NTM: variants seen among roughly 807,000 people sequenced by gnomAD.
The protein encoded by NTM is IgLON family member 2.
In NTM, 13 loss-of-function variants were observed where a neutral mutation model predicts 42.1. The observed-to-expected ratio is 0.31, with a 90% CI of 0.20 to 0.49. NTM has a LOEUF of 0.49. Ranked by LOEUF, NTM falls within the 20% of genes least tolerant of loss-of-function variation. NTM has a pLI of 0.99. For missense variants in NTM, 373 were observed against 452.8 expected, an observed-to-expected ratio of 0.82 and a Z score of 1.60; for synonymous variants, 187 against 179.2, an observed-to-expected ratio of 1.04 and a Z score of -0.35.
intron 2 of NTM, among the ~76,000 whole-genome samples, chr11:132,024,358 C>T (rs796867510): frequency 1.2e-4 from 18 of 152,224 alleles, no homozygotes; most frequent in African/African-American, 4.3e-4. Flanking sequence ...GGATTTCCCT[C>T]CAATATTAAA....
chr11:131,731,670 C>A (rs1465529124), intron 1 of NTM, among the ~76,000 whole-genome samples: 2 of 152,278 alleles, frequency 1.3e-5, no homozygotes, highest in South Asian at 2.1e-4. Context: ...GCAGTCAGAG[C>A]AAAACTGGCC....
intron 1 of NTM, among the ~76,000 whole-genome samples, chr11:131,515,367 C>T (rs907242240): frequency 1.3e-5 from 2 of 152,200 alleles, no homozygotes; most frequent in African/African-American, 4.8e-5. Flanking sequence ...AGAGAATGTT[C>T]TCGGAGCCCA....
chr11:131,571,012 T>G (rs1049420893), intron 1 of NTM, among the ~76,000 whole-genome samples: 9 of 152,282 alleles, frequency 5.9e-5, no homozygotes, highest in Non-Finnish European at 1.0e-4. Context: ...GAGTGGTAGT[T>G]AAGAGCAATG....
At chr11:131,993,177 A>G (rs2067332077) in intron 2 of NTM, among the ~76,000 whole-genome samples, 1 of 152,160 alleles carries the variant, frequency 6.6e-6, no homozygotes, top group Admixed American at 6.5e-5. Flanking sequence ...GTCATAGTAC[A>G]CCCACTGGCA....
chr11:131,379,689 G>C (rs1225532443), intron 1 of NTM, among the ~76,000 whole-genome samples: 1 of 152,168 alleles, frequency 6.6e-6, no homozygotes, highest in African/African-American at 2.4e-5. Context: ...CTACCCACAG[G>C]ACTGGTCTAG....
chr11:132,263,208 A>G (rs1050640409), intron 4 of NTM, among the ~76,000 whole-genome samples: 2 of 152,324 alleles, frequency 1.3e-5, no homozygotes, highest in African/African-American at 4.8e-5. Context: ...TCCAACCCCA[A>G]GGCTGTTCAA....
rs78737462 is a variant in NTM, at chr11:131,958,298, C to T, written c.167+46650C>T. Among the ~76,000 whole-genome samples the T allele has an allele frequency of 9.5e-3, 1,442 of 152,146 alleles. 15 individuals are homozygous for T. The highest frequency in any genetic ancestry group is 0.027 in the Middle Eastern group (8 of 294). ...GTGATGGGGCAGGGGTAGGGTATTT[C>T]CTCCCTCTCAGTGCTTTGGTAGACT... On this transcript the variant is annotated intron_variant, in intron 2 of 8. Transcript: ENST00000683400.
intron 1 of NTM, among the ~76,000 whole-genome samples, chr11:131,488,358 G>A (rs1454167881): frequency 6.6e-6 from 1 of 152,140 alleles, no homozygotes; most frequent in Admixed American, 6.5e-5. Context: ...AGGCTTTTCA[G>A]TTCTCTGGCA....
Position 132,236,373 on chromosome 11 carries a change from G to A in NTM, c.526+24226G>A, listed in dbSNP as rs1487792354. ...TATAGAAACTAATTTTACTTAGAAG[G>A]AAAACAGCACTGGGGAAAGATAATA... On this transcript the variant is annotated intron_variant, in intron 4 of 8. Coordinates refer to ENST00000683400, the MANE Select transcript of NTM (RefSeq NM_001352005.2). Among the ~76,000 whole-genome samples, 5 of 152,224 alleles carry A rather than the reference G, an allele frequency of 3.3e-5. No homozygotes were observed. The East Asian group carries it at 9.7e-4, about 29-fold the overall frequency.
intron 1 of NTM, among the ~76,000 whole-genome samples, chr11:131,725,223 A>G (rs957181048): frequency 1.3e-5 from 2 of 152,210 alleles, no homozygotes; most frequent in African/African-American, 4.8e-5. Flanking sequence ...ACAAATATTT[A>G]TTGGATACTC....
At chr11:131,861,605 C>A (rs571804920) in intron 1 of NTM, among the ~76,000 whole-genome samples, 2 of 152,324 alleles carry the variant, frequency 1.3e-5, no homozygotes, top group African/African-American at 4.8e-5. Context: ...CCTGATGTTG[C>A]TGTAAAGGTC....
At chr11:131,948,909 A>C (rs502998) in intron 2 of NTM, among the ~76,000 whole-genome samples, 25,419 of 152,126 alleles carry the variant, frequency 0.17, 2,284 homozygotes, top group East Asian at 0.26. Context: ...AATTCTAGGA[A>C]CATTGTTGTG....
intron 1 of NTM, among the ~76,000 whole-genome samples, chr11:131,476,630 C>T (rs1446218983): frequency 6.6e-6 from 1 of 151,926 alleles, no homozygotes; most frequent in Non-Finnish European, 1.5e-5. Flanking sequence ...GACAGCTGCC[C>T]CTATAAAGGA....
chr11:131,615,778 A>T (rs7929222), intron 1 of NTM, among the ~76,000 whole-genome samples: 59,884 of 151,964 alleles, frequency 0.39, 14,317 homozygotes, highest in African/African-American at 0.68. Flanking sequence ...TACCATGATT[A>T]TTTTGTGAAC....
At chr11:131,966,852 G>T (rs2062899063) in intron 2 of NTM, among the ~76,000 whole-genome samples, 1 of 152,200 alleles carries the variant, frequency 6.6e-6, no homozygotes. Flanking sequence ...GGTGGCAAGT[G>T]GTCAGATAGG....
intron 1 of NTM, among the ~76,000 whole-genome samples, chr11:131,401,415 T>C (rs1005417230): frequency 2.6e-5 from 4 of 152,142 alleles, no homozygotes; most frequent in Admixed American, 6.5e-5. Context: ...CTACTGGATA[T>C]ATGATCTGAG....
At chr11:131,729,792 A>G (rs2079407835) in intron 1 of NTM, among the ~76,000 whole-genome samples, 2 of 152,162 alleles carry the variant, frequency 1.3e-5, no homozygotes, top group Admixed American at 1.3e-4. Context: ...TTGTGTGGAT[A>G]TGCCATATTT....
chr11:131,424,472 G>A (rs1351438126), intron 1 of NTM, among the ~76,000 whole-genome samples: 1 of 151,912 alleles, frequency 6.6e-6, no homozygotes, highest in Non-Finnish European at 1.5e-5. Context: ...CCTTCCTCAA[G>A]TTATTTCAGA....
At chr11:131,628,457 CACAG>C (rs1487613869) in intron 1 of NTM, among the ~76,000 whole-genome samples, 1 of 152,170 alleles carries the variant, frequency 6.6e-6, no homozygotes, top group African/African-American at 2.4e-5. Flanking sequence ...TGCCCAAGCG[CACAG>C]ACATTTTACA....
Sources: allele counts gnomAD v4.1 joint callset (sites outside exome capture counted in the v4.1 genomes callset), GRCh38; gene constraint gnomAD v4.1.1; transcripts MANE v1.5; gene names NCBI Gene and HGNC (gene_info 2026-07-23, HGNC 2026-07-21).